The following FAT2 variants were observed in gnomAD, a reference collection of about 807,000 sequenced individuals.
FAT2 encodes protocadherin Fat 2.
A neutral mutation model predicts 295.3 loss-of-function variants in FAT2; 150 were observed. That is an observed-to-expected ratio of 0.51 (90% confidence interval 0.44 to 0.58). The LOEUF (loss-of-function observed/expected upper bound fraction) is 0.58, where lower values mean the gene tolerates loss of function less well. Ranked by LOEUF, FAT2 falls within the 20% of genes least tolerant of loss-of-function variation. The pLI is 0.00. For missense variants in FAT2, 4,868 were observed against 5,442.7 expected, an observed-to-expected ratio of 0.89 and a Z score of 3.32; for synonymous variants, 2,026 against 2,150.3, an observed-to-expected ratio of 0.94 and a Z score of 1.60.
rs748738009 is a variant in FAT2, at chr5:151,556,254, T to C, written c.3633+90A>G. 5.5e-6 allele frequency: 6 copies of C among 1,088,392 alleles called. No homozygotes were observed. The Admixed American group carries it at 1.0e-4, about 18-fold the overall frequency. The allele number at this position is 1,088,392 out of a possible 1,614,324, so 67.4% of individuals were successfully genotyped here. A position where few individuals can be genotyped will look rare whatever the true frequency, so the allele number is the denominator to read the frequency against. On this transcript the variant is annotated intron_variant, in intron 4 of 23. Transcript: ENST00000261800. ...TATCTTCCTCCCTGAACCCAGACCC[T>C]CCTCAGCCACAGTGCTAGACATGCA...
chr5:151,507,457 G>A lies in FAT2; in HGVS notation c.12214C>T (p.Arg4072Cys), dbSNP rs199556909. ...STVGLLFYCR[R>C]CKSHKPVAME... ...GCCACAGGCTTGTGAGACTTGCAAC[G>A]GCGGCAGTAGAAGAGAAGCCCGACA... The change falls in exon 23 of 24, where the codon CGT (arginine) becomes TGT (cysteine). Residue 4072 changes from arginine (R) to cysteine (C), a missense_variant. By Grantham distance (180) the Arg-to-Cys change is radical. This residue lies in a region of FAT2 where 492 missense variants were observed against 482.6 expected (regional missense o/e 1.02). Coordinates refer to ENST00000261800, the MANE Select transcript of FAT2 (RefSeq NM_001447.3). 41 of 1,614,030 alleles carry A rather than the reference G, an allele frequency of 2.5e-5. No individual in the cohort carries two copies. In the Admixed American group the frequency reaches 3.0e-4, roughly 12 times the overall value.
intron 3 of FAT2, among the ~76,000 whole-genome samples, chr5:151,560,816 C>A (rs6860421): frequency 6.6e-6 from 1 of 152,124 alleles, no homozygotes; most frequent in Admixed American, 6.5e-5. Context: ...TTGCTGAGTA[C>A]GTGAATGAAT....
At chr5:151,594,591 C>T (rs892347440), upstream of FAT2, among the ~76,000 whole-genome samples, 2 of 152,166 alleles carry the variant, frequency 1.3e-5, no homozygotes, top group South Asian at 2.1e-4. Context: ...ACAGGGGTGC[C>T]GCCGTAGGCT....
At position 151,546,109 on chromosome 5, in the gene FAT2, A is replaced by G. The variant is rs775633391; in HGVS notation, c.5018T>C (p.Ile1673Thr). ...SEYFVEIPESIPVGSPILLVS... is the reference protein window; with the variant it reads ...SEYFVEIPESTPVGSPILLVS... ...AAGGAGGATTGGGGAACCAACAGGG[A>G]TTGATTCAGGGATCTCTACAAAGTA... Residue 1673 changes from isoleucine (I) to threonine (T), a missense_variant, in exon 10 of 24, where the codon ATC becomes ACC. Physicochemically the swap from Ile to Thr is moderately conservative, Grantham distance 89. This residue lies in a region of FAT2 where 3,297 missense variants were observed against 3,669.4 expected (regional missense o/e 0.90). Transcript: ENST00000261800. 7 of 1,614,036 alleles carry G rather than the reference A, an allele frequency of 4.3e-6. No individual in the cohort carries two copies. The highest frequency in any genetic ancestry group is 5.9e-6 in the Non-Finnish European group (7 of 1,180,022).
intron 19 of FAT2, among the ~76,000 whole-genome samples, chr5:151,519,063 G>A (rs1753174062): frequency 6.6e-6 from 1 of 152,246 alleles, no homozygotes; most frequent in Non-Finnish European, 1.5e-5. Context: ...ACACATTCCA[G>A]CTGGACGCAG....
chr5:151,511,327 A>C (rs1280512210), intron 21 of FAT2: 1 of 152,248 alleles, frequency 6.6e-6, no homozygotes, highest in Non-Finnish European at 1.5e-5. Context: ...TGTGATGTAT[A>C]GAATAGATGG....
At position 151,505,670 on chromosome 5, in the gene FAT2, C is replaced by T. The variant is rs202194890; in HGVS notation, c.12945G>A (p.Glu4315=). 4 of 1,614,034 alleles carry T rather than the reference C, an allele frequency of 2.5e-6. No homozygotes were observed. The African/African-American group carries it at 5.3e-5, about 22-fold the overall frequency. The part of the protein sequence containing the change: ...AGPSYAVCEV[E]GAPLAGQGQP... ...GGCCCTGGCCTGCAAGAGGTGCCCC[C>T]TCCACCTCACAGACAGCATAAGAGG... Residue 4315 remains glutamate (E), a synonymous_variant, in exon 24 of 24, where the codon GAG becomes GAA. Transcript: ENST00000261800.
In FAT2 at chr5:151,517,635, C is replaced by T. The variant is rs755185575; in HGVS notation, c.11448G>A (p.Ala3816=). The T allele has an allele frequency of 5.7e-5, 92 of 1,613,996 alleles. No homozygotes were observed. Among genetic ancestry groups the T allele is most frequent in the East Asian group, 6.7e-5 (3 of 44,896 alleles). Residue 3816 remains alanine, a synonymous_variant, in exon 20 of 24, where the codon GCG becomes GCA. Transcript: ENST00000261800. ...QAILLFTNET[A]SVSLKLASGV... is the part of the protein sequence containing the mutation. ...AGTGCCTTACCTTCAGGGAGACGGA[C>T]GCTGTTTCATTGGTGAATAGAAGAA... is the stretch of plus-strand genomic sequence containing the variant.
intron 20 of FAT2, among the ~76,000 whole-genome samples, chr5:151,513,357 C>G (rs1174875283): frequency 1.3e-5 from 2 of 152,154 alleles, no homozygotes; most frequent in Admixed American, 6.5e-5. Context: ...TGCTCAACAA[C>G]AGTGGGCTGG....
Position 151,543,966 on chromosome 5 carries a change from A to C in FAT2, c.7161T>G (p.Asn2387Lys). 2.5e-6 allele frequency: 4 copies of C among 1,614,094 alleles called. No homozygotes were observed. The highest frequency in any genetic ancestry group is 3.4e-6 in the Non-Finnish European group (4 of 1,180,020). The change falls in exon 10 of 24, where the codon AAT (asparagine) becomes AAG (lysine). Residue 2387 changes from asparagine to lysine, a missense_variant. Transcript: ENST00000261800. ...GTCCACAGGTTGCCAGTTCACTGAC[A>C]TTGGCTTCATATTGAGGTTGTCTGA... ...PEFRQPQYEANVSELATCGHL... is the reference protein window; with the variant it reads ...PEFRQPQYEAKVSELATCGHL...
chr5:151,574,209 T>A (rs1448032995), intron 1 of FAT2, among the ~76,000 whole-genome samples: 1 of 152,150 alleles, frequency 6.6e-6, no homozygotes, highest in Non-Finnish European at 1.5e-5. Flanking sequence ...AGTCACTCAT[T>A]CTCTGTCTGT....
At chr5:151,509,730 A>G in intron 22 of FAT2, 1 of 301,774 alleles carries the variant, frequency 3.3e-6, no homozygotes, top group Non-Finnish European at 6.3e-6. Context: ...TTCATTATAT[A>G]TTACAATGTA....
chr5:151,592,099 G>A (rs990711166), upstream of FAT2, among the ~76,000 whole-genome samples: 1 of 152,150 alleles, frequency 6.6e-6, no homozygotes, highest in Non-Finnish European at 1.5e-5. Flanking sequence ...ATGGCTCACT[G>A]GGGTGCAGGA....
Position 151,566,134 on chromosome 5 carries a change from T to C in FAT2, c.2798A>G (p.Lys933Arg), listed in dbSNP as rs1362665705. 1 of 1,614,146 alleles carries C rather than the reference T, an allele frequency of 6.2e-7. No individual in the cohort carries two copies. The highest frequency in any genetic ancestry group is 8.5e-7 in the Non-Finnish European group (1 of 1,180,012). The change falls in exon 2 of 24, where the codon AAG (lysine) becomes AGG (arginine). Residue 933 changes from lysine to arginine, a missense_variant. Lys to Arg is a conservative substitution (Grantham distance 26, BLOSUM62 2). Coordinates refer to ENST00000261800, the MANE Select transcript of FAT2 (RefSeq NM_001447.3). Reference protein sequence around the residue: ...PQCITEHNRLKVPEDLPPGTV... With the variant: ...PQCITEHNRLRVPEDLPPGTV... Reference sequence around the variant, plus strand: ...CCCGGGGGGCAGGTCCTCTGGAACCTTCAGCCTGTTGTGTTCTGTGATGCA... The same window carrying C: ...CCCGGGGGGCAGGTCCTCTGGAACCCTCAGCCTGTTGTGTTCTGTGATGCA...
chr5:151,528,677 A>C (rs1250976216), intron 15 of FAT2, among the ~76,000 whole-genome samples: 1 of 152,122 alleles, frequency 6.6e-6, no homozygotes, highest in Non-Finnish European at 1.5e-5. Context: ...CAGGGAGTGG[A>C]GGGAGAGACT....
At chr5:151,523,276 G>A (rs928341824) in intron 18 of FAT2, among the ~76,000 whole-genome samples, 22 of 151,912 alleles carry the variant, frequency 1.4e-4, no homozygotes, top group Non-Finnish European at 8.8e-5. Flanking sequence ...TACTACTACC[G>A]ATTATATATA....
chr5:151,527,165 G>T, intron 17 of FAT2, 69 bp downstream of exon 17: 5 of 1,478,088 alleles, frequency 3.4e-6, no homozygotes, highest in Non-Finnish European at 3.7e-6. Flanking sequence ...ATGCCACTGA[G>T]GGGCATCTTC....
intron 19 of FAT2, among the ~76,000 whole-genome samples, chr5:151,520,002 T>TGA (rs1345472162): frequency 6.6e-6 from 1 of 152,246 alleles, no homozygotes; most frequent in Non-Finnish European, 1.5e-5. Context: ...GCCAGGTGGC[T>TGA]GAGAGAGACC....
At position 151,550,621 on chromosome 5, in the gene FAT2, G is replaced by T; in HGVS notation, c.4547C>A (p.Ser1516Ter). The T allele has an allele frequency of 1.9e-6, 3 of 1,614,112 alleles. No individual in the cohort carries two copies. Among genetic ancestry groups the T allele is most frequent in the Non-Finnish European group, 2.5e-6 (3 of 1,180,018 alleles). The change falls in exon 8 of 24, where the codon TCG becomes TAG. Residue 1516 changes from serine (S) to a stop codon, truncating the protein, a stop_gained. Transcript: ENST00000261800. LOFTEE classifies it high-confidence loss of function. Reference sequence around the variant, plus strand: ...TGTCAGTGTGTGCTGGGAGGGCCCCGAGCCGAGGTCCAATTTTCCCACCGT... The same window carrying T: ...TGTCAGTGTGTGCTGGGAGGGCCCCTAGCCGAGGTCCAATTTTCCCACCGT... ...LVTVGKLDLG[S>*]GPSQHTLTVM...
Sources: gnomAD v4.1 joint callset for allele counts (sites outside exome capture counted in the v4.1 genomes callset) on GRCh38, gnomAD v4.1.1 for gene constraint, gnomAD v4.1.1 regional missense constraint, MANE v1.5 for transcripts, NCBI Gene and HGNC (gene_info 2026-07-23, HGNC 2026-07-21) for gene names.